THADA: variants seen among roughly 807,000 people sequenced by gnomAD.
The protein encoded by THADA is THADA armadillo repeat containing.
THADA carries 213 observed loss-of-function variants against 219.8 expected under a neutral mutation model. That is an observed-to-expected ratio of 0.97 (90% CI 0.87 to 1.09). The LOEUF is 1.09. Ranked by LOEUF, THADA falls within the 50% of genes least tolerant of loss-of-function variation. The pLI is 0.00. For missense variants in THADA, 2,956 were observed against 2,311.3 expected, an observed-to-expected ratio of 1.28 and a Z score of -5.72; for synonymous variants, 1,018 against 828.9, an observed-to-expected ratio of 1.23 and a Z score of -3.92.
At chr2:43,461,897 C>A (rs1377754198) in intron 26 of THADA, among the ~76,000 whole-genome samples, 2 of 152,210 alleles carry the variant, frequency 1.3e-5, no homozygotes, top group African/African-American at 4.8e-5. Context: ...TTCACACAGG[C>A]AACACAACGG....
intron 26 of THADA, among the ~76,000 whole-genome samples, chr2:43,472,723 G>C (rs1183409296): frequency 3.3e-5 from 5 of 152,182 alleles, no homozygotes; most frequent in Admixed American, 6.5e-5. Context: ...AAACATCGTA[G>C]AGTATACTTA....
intron 22 of THADA, among the ~76,000 whole-genome samples, chr2:43,514,088 AATC>A (rs2103617948): frequency 6.6e-6 from 1 of 151,892 alleles, no homozygotes; most frequent in Admixed American, 6.6e-5. Flanking sequence ...AAGAACAAGA[AATC>A]ATGAAAAACA....
At position 43,572,873 on chromosome 2, in the gene THADA, A is replaced by C; in HGVS notation, c.1849T>G (p.Trp617Gly). The C allele has an allele frequency of 6.2e-7, 1 of 1,613,992 alleles. No homozygotes were observed. The highest frequency in any genetic ancestry group is 8.5e-7 in the Non-Finnish European group (1 of 1,179,874). ...HGHLQSATDTWENLVSDARIK... is the reference protein window; with the variant it reads ...HGHLQSATDTGENLVSDARIK... Reference sequence around the variant, plus strand: ...CTTGCATCAGACACGAGGTTCTCCCAGGTATCAGTTGCAGACTGAAGATGT... The same window carrying C: ...CTTGCATCAGACACGAGGTTCTCCCCGGTATCAGTTGCAGACTGAAGATGT... The change falls in exon 12 of 38, where the codon TGG becomes GGG. Residue 617 changes from tryptophan to glycine, a missense_variant. Physicochemically the swap from Trp to Gly is radical, Grantham distance 184. Coordinates refer to ENST00000405975, the MANE Select transcript of THADA (RefSeq NM_022065.5).
chr2:43,317,851 T>C (rs1678252914), intron 31 of THADA, among the ~76,000 whole-genome samples: 1 of 152,200 alleles, frequency 6.6e-6, no homozygotes, highest in Admixed American at 6.5e-5. Flanking sequence ...AAATGAGTCA[T>C]ATATATGTAA....
chr2:43,537,201 A>T (rs1413054439), intron 21 of THADA, among the ~76,000 whole-genome samples: 1 of 152,260 alleles, frequency 6.6e-6, no homozygotes, highest in Non-Finnish European at 1.5e-5. Flanking sequence ...CCACTCAGAT[A>T]TCATCTTACC....
chr2:43,483,879 A>G (rs2105008183), intron 26 of THADA, among the ~76,000 whole-genome samples: 1 of 152,132 alleles, frequency 6.6e-6, no homozygotes, highest in Non-Finnish European at 1.5e-5. Context: ...TTTCATTTAT[A>G]CCAGTATTTA....
chr2:43,329,910 T>G (rs1679764043), intron 30 of THADA, among the ~76,000 whole-genome samples: 1 of 152,252 alleles, frequency 6.6e-6, no homozygotes, highest in South Asian at 2.1e-4. Flanking sequence ...TGACAATAGA[T>G]AGTTCCCGTA....
intron 29 of THADA, among the ~76,000 whole-genome samples, chr2:43,388,452 T>C (rs1672960540): frequency 6.6e-6 from 1 of 152,214 alleles, no homozygotes; most frequent in African/African-American, 2.4e-5. Flanking sequence ...TAGATTAATC[T>C]ATCTAGGAGG....
intron 28 of THADA, among the ~76,000 whole-genome samples, chr2:43,412,222 C>T (rs561760031): frequency 6.6e-6 from 1 of 152,218 alleles, no homozygotes; most frequent in East Asian, 1.9e-4. Context: ...AATTCAGTAT[C>T]ATCTTACTCC....
At chr2:43,501,972 G>C (rs750481274) in intron 24 of THADA, among the ~76,000 whole-genome samples, 6 of 151,034 alleles carry the variant, frequency 4.0e-5, no homozygotes, top group Non-Finnish European at 7.4e-5. Context: ...ATAAAACTGT[G>C]GTTTTGCTCC....
intron 31 of THADA, among the ~76,000 whole-genome samples, chr2:43,309,957 CTATTTA>C (rs1321721180): frequency 1.3e-5 from 2 of 152,074 alleles, no homozygotes; most frequent in East Asian, 3.8e-4. Flanking sequence ...GAAAATAATT[CTATTTA>C]TAACAGCATC....
At position 43,321,250 on chromosome 2, in the gene THADA, G is replaced by A. The variant is rs1043758465; in HGVS notation, c.4344-710C>T. ...TCTTTGGCCATGAAAAGGCCAAAAC[G>A]TCTTTGGTGTACTAATAATACAATG... On this transcript the variant is annotated intron_variant, in intron 30 of 37. Coordinates refer to ENST00000405975, the MANE Select transcript of THADA (RefSeq NM_022065.5). 5.3e-5 allele frequency among the ~76,000 whole-genome samples: 8 copies of A among 152,208 alleles called. No individual in the cohort carries two copies. The East Asian group carries it at 1.5e-3, about 29-fold the overall frequency.
chr2:43,583,664 T>C (rs890338201), intron 7 of THADA, among the ~76,000 whole-genome samples: 2 of 152,210 alleles, frequency 1.3e-5, no homozygotes, highest in Non-Finnish European at 2.9e-5. Context: ...ACAGATCAAA[T>C]TGTCCATCGA....
intron 22 of THADA, among the ~76,000 whole-genome samples, chr2:43,526,751 C>T (rs1693217219): frequency 6.6e-6 from 1 of 152,148 alleles, no homozygotes; most frequent in African/African-American, 2.4e-5. Context: ...TGAATTTCAT[C>T]TCTACTTATT....
chr2:43,355,651 T>C (rs1304945380), intron 29 of THADA, among the ~76,000 whole-genome samples: 1 of 152,148 alleles, frequency 6.6e-6, no homozygotes, highest in African/African-American at 2.4e-5. Flanking sequence ...ACATCTTTTA[T>C]CTATTTTGAG....
intron 29 of THADA, among the ~76,000 whole-genome samples, chr2:43,383,163 G>C (rs1231086642): frequency 6.6e-6 from 1 of 152,068 alleles, no homozygotes; most frequent in Non-Finnish European, 1.5e-5. Context: ...TTTTGAAAAA[G>C]AAGAAATAAT....
At chr2:43,515,084 AAAT>A (rs1453174499) in intron 22 of THADA, among the ~76,000 whole-genome samples, 2 of 7,772 alleles carry the variant, frequency 2.6e-4, no homozygotes, top group Admixed American at 2.6e-3. Context: ...TAATATATAT[AAAT>A]ATATATATTA....
intron 33 of THADA, 83 bp from the exon 34 acceptor site, chr2:43,291,851 A>T (rs1558528667): frequency 8.0e-7 from 1 of 1,244,056 alleles, no homozygotes; most frequent in Non-Finnish European, 1.1e-6. Flanking sequence ...ATAGTCTGTA[A>T]TCCATGCAGA....
intron 26 of THADA, among the ~76,000 whole-genome samples, chr2:43,451,011 A>C (rs1682244777): frequency 6.6e-6 from 1 of 152,222 alleles, no homozygotes; most frequent in African/African-American, 2.4e-5. Context: ...AGGAATTCTG[A>C]ACATAAATGG....
Sources: allele counts gnomAD v4.1 joint callset (sites outside exome capture counted in the v4.1 genomes callset), GRCh38; gene constraint gnomAD v4.1.1; transcripts MANE v1.5; gene names NCBI Gene and HGNC (gene_info 2026-07-23, HGNC 2026-07-21).